NME7: variants seen among roughly 807,000 people sequenced by gnomAD.
NME7 encodes the protein NME/NM23 family member 7.
NME7 carries 41 observed loss-of-function variants against 49.1 expected under a neutral mutation model. The observed-to-expected ratio is 0.83, with a 90% CI of 0.65 to 1.08. The LOEUF is 1.08. NME7 is among the 50% of genes least tolerant of loss of function. The pLI is 0.00. For synonymous variants in NME7, 139 were observed against 150.6 expected (o/e 0.92, Z 0.56); for missense variants, 423 against 463.4 (o/e 0.91, Z 0.80).
At chr1:169,185,750 T>C (rs889415945) in intron 10 of NME7, among the ~76,000 whole-genome samples, 1 of 152,206 alleles carries the variant, frequency 6.6e-6, no homozygotes, top group Non-Finnish European at 1.5e-5. Context: ...TATTCCCTGC[T>C]ATATCCAGAT....
chr1:169,210,871 G>A (rs1014086679), intron 10 of NME7, among the ~76,000 whole-genome samples: 10 of 151,976 alleles, frequency 6.6e-5, no homozygotes, highest in Non-Finnish European at 1.3e-4. Flanking sequence ...TGGCCTCATC[G>A]GGGCTTCCTT....
chr1:169,308,178 T>G (rs1163860511), intron 4 of NME7, among the ~76,000 whole-genome samples: 1 of 152,098 alleles, frequency 6.6e-6, no homozygotes, highest in East Asian at 1.9e-4. Flanking sequence ...ATATGTAAAC[T>G]AGGAGATCAT....
Position 169,323,155 on chromosome 1 carries a change from A to G in NME7, c.240T>C (p.Asp80=), listed in dbSNP as rs1651918945. ...TGCCCAGCTGGCGAGCTGTATATTG[A>G]TCCCCATAGTCAATTAATACCAGTT... ...SRQLVLIDYG[D]QYTARQLGSR... is the part of the protein sequence containing the mutation. Residue 80 remains aspartate (D), a synonymous_variant, in exon 3 of 12, where the codon GAT becomes GAC. Transcript: ENST00000367811. 6.2e-7 allele frequency: 1 copy of G among 1,606,744 alleles called. No individual in the cohort carries two copies. Among genetic ancestry groups the G allele is most frequent in the Non-Finnish European group, 8.5e-7 (1 of 1,177,076 alleles).
At chr1:169,137,900 C>G (rs1267534640) in intron 11 of NME7, among the ~76,000 whole-genome samples, 1 of 151,560 alleles carries the variant, frequency 6.6e-6, no homozygotes, top group Non-Finnish European at 1.5e-5. Flanking sequence ...GCAGATGTAC[C>G]CCCCACAAAT....
chr1:169,283,160 T>C (rs1200485612), intron 7 of NME7, among the ~76,000 whole-genome samples: 1 of 152,184 alleles, frequency 6.6e-6, no homozygotes, highest in Non-Finnish European at 1.5e-5. Context: ...TTTAGGATAG[T>C]CAGTACTTCT....
intron 3 of NME7, among the ~76,000 whole-genome samples, chr1:169,311,503 G>A (rs1167554219): frequency 1.3e-5 from 2 of 148,716 alleles, no homozygotes; most frequent in African/African-American, 5.0e-5. Flanking sequence ...AATAACAAAA[G>A]AAATTGTTCA....
intron 11 of NME7, among the ~76,000 whole-genome samples, chr1:169,149,938 A>G (rs946891310): frequency 6.6e-6 from 1 of 152,252 alleles, no homozygotes; most frequent in Non-Finnish European, 1.5e-5. Flanking sequence ...GATATGAGCC[A>G]GTCTTTTAAC....
chr1:169,250,251 T>TTG (rs1248290397), intron 7 of NME7, among the ~76,000 whole-genome samples: 5 of 152,142 alleles, frequency 3.3e-5, no homozygotes, highest in Non-Finnish European at 5.9e-5. Flanking sequence ...ATTTTTTAGT[T>TTG]TGTGTGCATA....
chr1:169,211,218 T>C (rs1379529455), intron 10 of NME7, among the ~76,000 whole-genome samples: 2 of 152,344 alleles, frequency 1.3e-5, no homozygotes, highest in Admixed American at 6.5e-5. Context: ...TAAACATTTT[T>C]GTAAAATAAT....
chr1:169,348,584 A>G (rs1653033000), intron 1 of NME7, among the ~76,000 whole-genome samples: 1 of 152,176 alleles, frequency 6.6e-6, no homozygotes, highest in African/African-American at 2.4e-5. Context: ...TAAAATCCAT[A>G]AAGGATAGCT....
intron 11 of NME7, among the ~76,000 whole-genome samples, chr1:169,136,554 A>C (rs1023077126): frequency 3.9e-5 from 6 of 152,100 alleles, no homozygotes; most frequent in African/African-American, 1.4e-4. Context: ...GTCCTCATGA[A>C]ATTTTTACTT....
At chr1:169,203,343 T>C (rs1013949591) in intron 10 of NME7, among the ~76,000 whole-genome samples, 1 of 152,154 alleles carries the variant, frequency 6.6e-6, no homozygotes, top group Admixed American at 6.5e-5. Context: ...CCTCTCTCCC[T>C]GTCAGAGAGC....
intron 1 of NME7, among the ~76,000 whole-genome samples, chr1:169,344,924 T>C: frequency 6.6e-6 from 1 of 152,208 alleles, no homozygotes; most frequent in East Asian, 1.9e-4. Context: ...CTATTATTTA[T>C]TATTTAAATG....
chr1:169,159,700 G>A (rs1488346789), intron 11 of NME7, among the ~76,000 whole-genome samples: 2 of 152,172 alleles, frequency 1.3e-5, no homozygotes, highest in Non-Finnish European at 2.9e-5. Flanking sequence ...ATTCCTTGGA[G>A]TCCGCAGGAT....
rs1030251069 is a variant in NME7, at chr1:169,267,995, C to G, written c.754+19308G>C. 1.4e-4 allele frequency among the ~76,000 whole-genome samples: 18 copies of G among 133,328 alleles called. 6 individuals are homozygous for G. Among genetic ancestry groups the G allele is most frequent in the Non-Finnish European group, 2.5e-4 (14 of 56,732 alleles). The allele number at this position is 133,328 out of a possible 152,430, so 87.5% of individuals were successfully genotyped here. A position where few individuals can be genotyped will look rare whatever the true frequency, so the allele number is the denominator to read the frequency against. On this transcript the variant is annotated intron_variant, in intron 7 of 11. Coordinates refer to ENST00000367811, the MANE Select transcript of NME7 (RefSeq NM_013330.5). ...CAAAAGAAACTATGAACAGAGTAAACAGACAACCTACAGAATGAGAGAAAA... is the reference window on the plus strand; with the variant it reads ...CAAAAGAAACTATGAACAGAGTAAAGAGACAACCTACAGAATGAGAGAAAA...
At chr1:169,361,780 TA>T (rs1365379479) in intron 1 of NME7, among the ~76,000 whole-genome samples, 249 of 124,382 alleles carry the variant, frequency 2.0e-3, no homozygotes, top group Middle Eastern at 4.4e-3. Context: ...AAACTCTGTC[TA>T]AAAAAAAAAA....
At chr1:169,314,795 A>G (rs1651548147) in intron 3 of NME7, among the ~76,000 whole-genome samples, 1 of 152,120 alleles carries the variant, frequency 6.6e-6, no homozygotes, top group African/African-American at 2.4e-5. Flanking sequence ...AAACAAAAAC[A>G]AAAACTAATG....
Position 169,132,675 on chromosome 1 carries a change from G to T in NME7, c.*110C>A. On this transcript the variant is annotated 3_prime_UTR_variant, in exon 12 of 12. Coordinates refer to ENST00000367811, the MANE Select transcript of NME7 (RefSeq NM_013330.5). The stretch of plus-strand genomic sequence containing the variant: ...GGAGTACAGTGCTCTTGTTGATCTT[G>T]TATTCAGTCAGGTTAAAACAACGGA... 2 of 991,218 alleles carry T rather than the reference G, an allele frequency of 2.0e-6. No individual in the cohort carries two copies. Among genetic ancestry groups the T allele is most frequent in the Non-Finnish European group, 3.1e-6 (2 of 651,558 alleles). 61.4% of individuals were successfully genotyped at this position (991,218 alleles called of 1,614,324 possible).
intron 11 of NME7, among the ~76,000 whole-genome samples, chr1:169,139,625 T>C (rs777123975): frequency 6.6e-6 from 1 of 152,244 alleles, no homozygotes; most frequent in Non-Finnish European, 1.5e-5. Flanking sequence ...TTTAAAATAG[T>C]GTCCAGCATA....
Sources: gnomAD v4.1 joint callset for allele counts (sites outside exome capture counted in the v4.1 genomes callset) on GRCh38, gnomAD v4.1.1 for gene constraint, MANE v1.5 for transcripts, NCBI Gene and HGNC (gene_info 2026-07-23, HGNC 2026-07-21) for gene names.